Variants in FAM168A observed in about 807,000 individuals in gnomAD.
The protein encoded by FAM168A is family with sequence similarity 168 member A.
A neutral mutation model predicts 28.5 loss-of-function variants in FAM168A; 3 were observed. That is an observed-to-expected ratio of 0.11 (90% CI 0.05 to 0.27). FAM168A has a LOEUF of 0.27. Among genes scored for constraint, FAM168A ranks in the 10% least tolerant of loss-of-function variants. The pLI is 1.00. For synonymous variants in FAM168A, 122 were observed against 124.2 expected (o/e 0.98, Z 0.12); for missense variants, 222 against 311.5 (o/e 0.71, Z 2.16).
intron 1 of FAM168A, among the ~76,000 whole-genome samples, chr11:73,501,359 A>T (rs536845676): frequency 6.6e-6 from 1 of 152,358 alleles, no homozygotes; most frequent in South Asian, 2.1e-4. Flanking sequence ...AGACGTCTAC[A>T]GAACTCTACC....
intron 2 of FAM168A, among the ~76,000 whole-genome samples, chr11:73,441,336 C>T (rs886336573): frequency 3.3e-5 from 5 of 152,114 alleles, no homozygotes; most frequent in African/African-American, 7.2e-5. Context: ...GGATTACAGG[C>T]GTGAGCCACC....
intron 1 of FAM168A, among the ~76,000 whole-genome samples, chr11:73,513,145 T>C (rs968084826): frequency 8.5e-5 from 13 of 152,082 alleles, no homozygotes; most frequent in Admixed American, 5.2e-4. Context: ...TTTTGGCCAA[T>C]GTTCTATGAA....
At chr11:73,525,189 G>A (rs887294410) in intron 1 of FAM168A, among the ~76,000 whole-genome samples, 2 of 151,806 alleles carry the variant, frequency 1.3e-5, no homozygotes, top group Non-Finnish European at 2.9e-5. Context: ...CAAATATCAG[G>A]TGATCTTTGC....
At chr11:73,433,116 G>A (rs1047575879) in intron 2 of FAM168A, among the ~76,000 whole-genome samples, 4 of 133,822 alleles carry the variant, frequency 3.0e-5, no homozygotes, top group Non-Finnish European at 6.1e-5. Flanking sequence ...GTAGAGACGG[G>A]GGTCTCATTA....
chr11:73,456,088 C>T (rs906243669), intron 2 of FAM168A, among the ~76,000 whole-genome samples: 6 of 152,184 alleles, frequency 3.9e-5, no homozygotes, highest in African/African-American at 1.4e-4. Flanking sequence ...AATTTTTTAA[C>T]ATCTATCTTC....
intron 1 of FAM168A, among the ~76,000 whole-genome samples, chr11:73,523,953 C>G (rs575772167): frequency 2.0e-5 from 3 of 151,340 alleles, no homozygotes; most frequent in Admixed American, 6.6e-5. Flanking sequence ...ACCTCAAACT[C>G]CTGGGCTCAA....
chr11:73,495,840 T>C (rs1013054911), intron 1 of FAM168A, among the ~76,000 whole-genome samples: 1 of 152,190 alleles, frequency 6.6e-6, no homozygotes, highest in Non-Finnish European at 1.5e-5. Context: ...TAAAATGGTG[T>C]AGCCACTATG....
intron 1 of FAM168A, among the ~76,000 whole-genome samples, chr11:73,496,553 T>C (rs915934696): frequency 6.6e-6 from 1 of 152,168 alleles, no homozygotes; most frequent in African/African-American, 2.4e-5. Flanking sequence ...TTTTGTTTGT[T>C]TGTTTGGTTG....
At chr11:73,407,983 C>T (rs1344532870) in intron 6 of FAM168A, among the ~76,000 whole-genome samples, 3 of 152,206 alleles carry the variant, frequency 2.0e-5, no homozygotes, top group East Asian at 1.9e-4. Flanking sequence ...GCGATTCTCC[C>T]GCGTCAGCCT....
intron 2 of FAM168A, among the ~76,000 whole-genome samples, chr11:73,459,879 ATTTTTTTTTTT>A (rs918564469): frequency 9.2e-6 from 1 of 108,456 alleles, no homozygotes; most frequent in Non-Finnish European, 1.8e-5. Flanking sequence ...ATCCAAATGA[ATTTTTTTTTTT>A]TTTTTTTTTT....
At chr11:73,450,929 C>T (rs1319231431) in intron 2 of FAM168A, among the ~76,000 whole-genome samples, 2 of 152,154 alleles carry the variant, frequency 1.3e-5, no homozygotes, top group Non-Finnish European at 2.9e-5. Context: ...CTACTAGCTG[C>T]TACTAAGAAA....
At chr11:73,590,525 C>G (rs73550317) in intron 1 of FAM168A, among the ~76,000 whole-genome samples, 138 of 152,238 alleles carry the variant, frequency 9.1e-4, no homozygotes, top group African/African-American at 3.2e-3. Context: ...GCCAGTCACA[C>G]CTATGAAACG....
At chr11:73,576,702 A>G (rs74924538) in intron 1 of FAM168A, among the ~76,000 whole-genome samples, 2,130 of 152,250 alleles carry the variant, frequency 0.014, 33 homozygotes, top group African/African-American at 0.041. Flanking sequence ...TTTTCTCCAC[A>G]TCTTCCTATT....
chr11:73,464,626 C>T (rs1867705300), intron 2 of FAM168A, among the ~76,000 whole-genome samples: 1 of 152,184 alleles, frequency 6.6e-6, no homozygotes, highest in Non-Finnish European at 1.5e-5. Context: ...AATACACAGA[C>T]CCAGATGGGG....
At chr11:73,463,654 G>T (rs937197267) in intron 2 of FAM168A, among the ~76,000 whole-genome samples, 5 of 152,164 alleles carry the variant, frequency 3.3e-5, no homozygotes, top group African/African-American at 4.8e-5. Flanking sequence ...TGGATGAGCA[G>T]GGGAAGAAAA....
At chr11:73,445,421 T>C (rs867143436) in intron 2 of FAM168A, among the ~76,000 whole-genome samples, 2,548 of 36,664 alleles carry the variant, frequency 0.069, 49 homozygotes, top group Middle Eastern at 0.13. Flanking sequence ...AAATGTCTCT[T>C]TTTTTTTTTT....
chr11:73,431,125 C>T (rs1230151987), intron 2 of FAM168A, among the ~76,000 whole-genome samples: 15 of 152,032 alleles, frequency 9.9e-5, no homozygotes, highest in Non-Finnish European at 1.2e-4. Flanking sequence ...GGGTGGATCA[C>T]GAGGTCAGAA....
chr11:73,483,818 T>C (rs958511053), intron 1 of FAM168A, among the ~76,000 whole-genome samples: 3 of 152,178 alleles, frequency 2.0e-5, no homozygotes, highest in African/African-American at 7.2e-5. Flanking sequence ...AATACTGATT[T>C]GGGAGATGAT....
chr11:73,512,259 A>C (rs79835268), intron 1 of FAM168A, among the ~76,000 whole-genome samples: 1 of 152,216 alleles, frequency 6.6e-6, no homozygotes, highest in East Asian at 1.9e-4. Flanking sequence ...TATCACGCTT[A>C]TAACTACCTG....
Sources: allele counts gnomAD v4.1 joint callset (sites outside exome capture counted in the v4.1 genomes callset), GRCh38; gene constraint gnomAD v4.1.1; transcripts MANE v1.5; gene names NCBI Gene and HGNC (gene_info 2026-07-23, HGNC 2026-07-21).